SAMTOR: variants seen among roughly 807,000 people sequenced by gnomAD.
SAMTOR encodes UPF0532 protein C7orf60.
chr7:112,912,246 C>G, the SAMTOR span, among the ~76,000 whole-genome samples: 3 of 151,918 alleles, frequency 2.0e-5, no homozygotes, highest in East Asian at 5.8e-4. Context: ...TCAAATAGTT[C>G]AGGAAATAGT....
the SAMTOR span, among the ~76,000 whole-genome samples, chr7:112,918,321 C>T: frequency 6.6e-6 from 1 of 152,124 alleles, no homozygotes; most frequent in Admixed American, 6.5e-5. Context: ...GAATTTTCAA[C>T]CCAGAATTTC....
chr7:112,895,069 A>G, the SAMTOR span, among the ~76,000 whole-genome samples: 2 of 152,146 alleles, frequency 1.3e-5, no homozygotes, highest in Non-Finnish European at 2.9e-5. Flanking sequence ...AATTGGTTCT[A>G]TTAATAACCT....
At chr7:112,833,400 A>G in the SAMTOR span, among the ~76,000 whole-genome samples, 1 of 152,226 alleles carries the variant, frequency 6.6e-6, no homozygotes, top group East Asian at 1.9e-4. Context: ...TAATAGTGGT[A>G]TTTACCCTTA....
chr7:112,836,232 C>T, the SAMTOR span, among the ~76,000 whole-genome samples: 1 of 152,030 alleles, frequency 6.6e-6, no homozygotes, highest in African/African-American at 2.4e-5. Flanking sequence ...ATTTCTCTAA[C>T]GTTTAGTGAT....
chr7:112,890,569 TAA>T, the SAMTOR span, among the ~76,000 whole-genome samples: 1 of 151,956 alleles, frequency 6.6e-6, no homozygotes, highest in Non-Finnish European at 1.5e-5. Context: ...AAAAAAGTAG[TAA>T]ATGGACTCTT....
chr7:112,826,172 T>A, the SAMTOR span, among the ~76,000 whole-genome samples: 1 of 152,188 alleles, frequency 6.6e-6, no homozygotes, highest in East Asian at 1.9e-4. Context: ...ACCAGAGTAA[T>A]GGCCTCATAG....
the SAMTOR span, among the ~76,000 whole-genome samples, chr7:112,901,755 T>C: frequency 9.2e-5 from 14 of 152,308 alleles, no homozygotes; most frequent in African/African-American, 3.4e-4. Context: ...GTAAAAGACC[T>C]GAACAGACAT....
the SAMTOR span, among the ~76,000 whole-genome samples, chr7:112,879,545 T>C: frequency 6.6e-6 from 1 of 152,172 alleles, no homozygotes; most frequent in Admixed American, 6.5e-5. Context: ...ATTGCCACTA[T>C]TGCCACAAAA....
chr7:112,843,045 C>T, the SAMTOR span, among the ~76,000 whole-genome samples: 5 of 151,938 alleles, frequency 3.3e-5, no homozygotes, highest in Non-Finnish European at 5.9e-5. Context: ...AACTTCTTTG[C>T]CAATTATAAC....
At chr7:112,850,104 G>A in the SAMTOR span, among the ~76,000 whole-genome samples, 2 of 152,162 alleles carry the variant, frequency 1.3e-5, no homozygotes, top group South Asian at 4.1e-4. Flanking sequence ...TACTTGGGAG[G>A]CTGAGGGAAT....
chr7:112,823,202 G>A, the SAMTOR span, among the ~76,000 whole-genome samples: 3 of 152,064 alleles, frequency 2.0e-5, no homozygotes, highest in African/African-American at 7.2e-5. Flanking sequence ...GATATGCAAT[G>A]TTCTAGTACC....
chr7:112,882,766 T>A, the SAMTOR span, among the ~76,000 whole-genome samples: 573 of 120,656 alleles, frequency 4.7e-3, 3 homozygotes, highest in South Asian at 0.023. Context: ...CATCTTTTTT[T>A]AAAAAAAAAA....
the SAMTOR span, among the ~76,000 whole-genome samples, chr7:112,832,843 C>CATAT: frequency 6.6e-6 from 1 of 152,038 alleles, no homozygotes; most frequent in Non-Finnish European, 1.5e-5. Flanking sequence ...TAATAATGAT[C>CATAT]ATATTTGAAG....
At chr7:112,844,119 G>A in the SAMTOR span, among the ~76,000 whole-genome samples, 1 of 152,100 alleles carries the variant, frequency 6.6e-6, no homozygotes, top group Admixed American at 6.5e-5. Context: ...GGCACTGAAG[G>A]AATATACCTC....
the SAMTOR span, chr7:112,832,465 G>C: frequency 8.1e-6 from 6 of 738,426 alleles, no homozygotes; most frequent in Non-Finnish European, 1.4e-5. Context: ...GGGTACACAG[G>C]AAATACATTT....
chr7:112,925,467 T>G, the SAMTOR span, among the ~76,000 whole-genome samples: 1 of 152,354 alleles, frequency 6.6e-6, no homozygotes, highest in East Asian at 1.9e-4. Context: ...AAACATATTT[T>G]CTTTTCCTTT....
chr7:112,939,702 C>G, the SAMTOR span: 1 of 1,610,820 alleles, frequency 6.2e-7, no homozygotes, highest in South Asian at 1.1e-5. Context: ...TTCGGGGACC[C>G]GGCCCTCTGC....
chr7:112,912,537 CAA>C, the SAMTOR span, among the ~76,000 whole-genome samples: 2 of 151,894 alleles, frequency 1.3e-5, no homozygotes, highest in East Asian at 3.9e-4. Flanking sequence ...TTAGAATTAT[CAA>C]AAAGAGAAAA....
At chr7:112,829,152 C>A in the SAMTOR span, among the ~76,000 whole-genome samples, 1 of 152,110 alleles carries the variant, frequency 6.6e-6, no homozygotes, top group African/African-American at 2.4e-5. Context: ...ATCACTGATG[C>A]TCTTCTATTT....
Sources: gnomAD v4.1 joint callset for allele counts (sites outside exome capture counted in the v4.1 genomes callset) on GRCh38, gnomAD v4.1.1 for gene constraint, MANE v1.5 for transcripts, NCBI Gene and HGNC (gene_info 2026-07-23, HGNC 2026-07-21) for gene names.